Variants in PIWIL4 observed in about 807,000 individuals in gnomAD.
PIWIL4 encodes piwi-like protein 4.
A neutral mutation model predicts 100.9 loss-of-function variants in PIWIL4; 50 were observed. That is an observed-to-expected ratio of 0.50 (90% CI 0.39 to 0.63). The LOEUF is 0.63. Ranked by LOEUF, PIWIL4 falls within the 20% of genes least tolerant of loss-of-function variation. PIWIL4 has a pLI of 0.00. For missense variants in PIWIL4, 887 were observed against 1,043.3 expected, an observed-to-expected ratio of 0.85 and a Z score of 2.06; for synonymous variants, 342 against 367.5, an observed-to-expected ratio of 0.93 and a Z score of 0.79.
rs751974915 is a variant in PIWIL4 at position 94,587,146 on chromosome 11, G to A, written c.813G>A (p.Glu271=). 5.6e-6 allele frequency: 9 copies of A among 1,614,008 alleles called. No homozygotes were observed. In the Admixed American group the frequency reaches 8.3e-5, roughly 15 times the overall value. Residue 271 remains glutamate (E), a synonymous_variant, in exon 7 of 20, where the codon GAG becomes GAA. Transcript: ENST00000299001. ...TGAGTTACAAAGTCCTCCGGAATGA[G>A]ACGGTTCTGGAATTCATGACTGCTC... ...ADVSYKVLRN[E]TVLEFMTALC...
chr11:94,589,197 G>A lies in PIWIL4; in HGVS notation c.991G>A (p.Gly331Ser). Residue 331 changes from glycine to serine, a missense_variant, in exon 8 of 20, where the codon GGC becomes AGC. Around this residue, in one of 2 missense-constraint regions of PIWIL4, gnomAD observed 741 missense variants for 930.0 expected, o/e 0.80. Transcript: ENST00000299001. ...CACACACACCTTTCAGAAGCGGGAT[G>A]GCACCGAGATCACCTATGTGGATTA... ...KPTHTFQKRD[G>S]TEITYVDYYK... is the part of the protein sequence containing the mutation. 1 of 1,610,808 alleles carries A rather than the reference G, an allele frequency of 6.2e-7. No individual in the cohort carries two copies. The highest frequency in any genetic ancestry group is 8.5e-7 in the Non-Finnish European group (1 of 1,177,052).
intron 18 of PIWIL4, 34 bp downstream of exon 18, chr11:94,619,919 A>G: frequency 6.2e-7 from 1 of 1,614,106 alleles, no homozygotes; most frequent in South Asian, 1.1e-5. Context: ...TTTTAACAAA[A>G]CATTCATTGC....
intron 6 of PIWIL4, among the ~76,000 whole-genome samples, chr11:94,586,487 T>G (rs763321379): frequency 5.3e-5 from 8 of 152,216 alleles, no homozygotes; most frequent in Non-Finnish European, 1.2e-4. Flanking sequence ...TATCTGTTTG[T>G]GGTATCACTT....
At chr11:94,583,823 T>G (rs11020841) in intron 5 of PIWIL4, among the ~76,000 whole-genome samples, 1,806 of 152,340 alleles carry the variant, frequency 0.012, 33 homozygotes, top group African/African-American at 0.04. Context: ...TATTGCTGTC[T>G]CACTGGTAGC....
chr11:94,608,723 GT>G, intron 15 of PIWIL4, 37 bp downstream of exon 15: 1 of 1,534,886 alleles, frequency 6.5e-7, no homozygotes, highest in Non-Finnish European at 9.0e-7. Flanking sequence ...GCTTCATTTA[GT>G]TAGACTATTA....
intron 7 of PIWIL4, among the ~76,000 whole-genome samples, chr11:94,588,461 C>G (rs1458840789): frequency 1.3e-5 from 2 of 152,178 alleles, no homozygotes; most frequent in Non-Finnish European, 2.9e-5. Context: ...ATCCTCCTGT[C>G]ATGATCTTGA....
intron 2 of PIWIL4, 89 bp downstream of exon 2, chr11:94,568,897 C>A: frequency 9.0e-7 from 1 of 1,107,872 alleles, no homozygotes. Flanking sequence ...GTAGGCCCAC[C>A]TCTTGCACAT....
chr11:94,570,056 T>C (rs914253404), intron 2 of PIWIL4, among the ~76,000 whole-genome samples: 3 of 152,196 alleles, frequency 2.0e-5, no homozygotes, highest in Non-Finnish European at 4.4e-5. Flanking sequence ...CCAGTGCATG[T>C]AGCCAACTGC....
At chr11:94,567,728 T>C in intron 1 of PIWIL4, 123 bp downstream of exon 1, 4 of 1,296,654 alleles carry the variant, frequency 3.1e-6, no homozygotes, top group Non-Finnish European at 3.9e-6. Context: ...ATCTTTTCTC[T>C]CAAGTTTGAG....
chr11:94,586,283 G>C (rs1346390170), intron 6 of PIWIL4, among the ~76,000 whole-genome samples: 2 of 151,960 alleles, frequency 1.3e-5, no homozygotes, highest in African/African-American at 2.4e-5. Flanking sequence ...AACTGCCCTA[G>C]GTGCTCAGCA....
chr11:94,611,781 C>T (rs1351549697), intron 15 of PIWIL4, among the ~76,000 whole-genome samples: 1 of 152,190 alleles, frequency 6.6e-6, no homozygotes, highest in Non-Finnish European at 1.5e-5. Flanking sequence ...CTTTGCCTTT[C>T]ATGATGATTA....
chr11:94,584,872 C>T (rs1348307159), intron 5 of PIWIL4, among the ~76,000 whole-genome samples: 1 of 152,152 alleles, frequency 6.6e-6, no homozygotes, highest in Non-Finnish European at 1.5e-5. Flanking sequence ...CGAGACCAGC[C>T]TGACCAACAT....
chr11:94,591,426 C>T lies in PIWIL4; in HGVS notation c.1027-2092C>T, dbSNP rs557792750. On this transcript the variant is annotated intron_variant, in intron 8 of 19. Coordinates refer to ENST00000299001, the MANE Select transcript of PIWIL4 (RefSeq NM_152431.3). ...CTGTTCTCCTTTCTAAGTACCTGTG[C>T]ATTCATCACATTGTTTCTTGAACAC... is the stretch of plus-strand genomic sequence containing the variant. Among the ~76,000 whole-genome samples the T allele has an allele frequency of 5.3e-5, 8 of 152,346 alleles. No homozygotes were observed. In the East Asian group the frequency reaches 1.5e-3, roughly 29 times the overall value.
intron 9 of PIWIL4, 51 bp from the exon 10 acceptor site, chr11:94,595,258 C>A: frequency 6.7e-7 from 1 of 1,503,320 alleles, no homozygotes; most frequent in Non-Finnish European, 9.2e-7. Context: ...CTTTGATGGG[C>A]TGAGTTGCTT....
At chr11:94,595,605 G>A (rs950367320) in intron 10 of PIWIL4, among the ~76,000 whole-genome samples, 179 bp downstream of exon 10, 2 of 152,238 alleles carry the variant, frequency 1.3e-5, no homozygotes, top group African/African-American at 4.8e-5. Flanking sequence ...AGGGGTTGAA[G>A]GGAGTTGGAG....
intron 5 of PIWIL4, among the ~76,000 whole-genome samples, chr11:94,584,139 GA>G (rs1201884521): frequency 6.6e-6 from 1 of 152,160 alleles, no homozygotes; most frequent in Non-Finnish European, 1.5e-5. Flanking sequence ...ATATTCCCTG[GA>G]CCTTCACTGA....
At chr11:94,619,005 A>G (rs1948876815) in intron 17 of PIWIL4, among the ~76,000 whole-genome samples, 1 of 152,226 alleles carries the variant, frequency 6.6e-6, no homozygotes, top group Non-Finnish European at 1.5e-5. Flanking sequence ...CAGGTATGCA[A>G]CTGAGGGATG....
chr11:94,586,926 T>G (rs1321813523), intron 6 of PIWIL4, 124 bp from the exon 7 acceptor site: 4 of 994,900 alleles, frequency 4.0e-6, no homozygotes, highest in South Asian at 1.7e-5. Context: ...GAAATCAGAC[T>G]AAAGAAAAAA....
chr11:94,589,027 G>T, intron 7 of PIWIL4, 94 bp from the exon 8 acceptor site: 3 of 745,100 alleles, frequency 4.0e-6, no homozygotes, highest in South Asian at 3.8e-5. Flanking sequence ...TGACATTCTG[G>T]AGTCTATCTT....
Sources: allele counts gnomAD v4.1 joint callset (sites outside exome capture counted in the v4.1 genomes callset), GRCh38; gene constraint gnomAD v4.1.1; regional missense constraint gnomAD v4.1.1; transcripts MANE v1.5; gene names NCBI Gene and HGNC (gene_info 2026-07-23, HGNC 2026-07-21).